CEP85L: variants seen among roughly 807,000 people sequenced by gnomAD.
The protein encoded by CEP85L is centrosomal protein of 85 kDa-like.
In CEP85L, 60 loss-of-function variants were observed where a neutral mutation model predicts 100.3. The observed-to-expected ratio is 0.60, with a 90% confidence interval of 0.49 to 0.74. The LOEUF is 0.74. Among genes scored for constraint, CEP85L ranks in the 30% least tolerant of loss-of-function variants. The pLI is 0.00. For synonymous variants in CEP85L, 319 were observed against 322.7 expected (o/e 0.99, Z 0.12); for missense variants, 973 against 936.2 (o/e 1.04, Z -0.51).
At chr6:118,592,822 A>C (rs1056820636) in intron 2 of CEP85L, among the ~76,000 whole-genome samples, 1 of 152,224 alleles carries the variant, frequency 6.6e-6, no homozygotes, top group African/African-American at 2.4e-5. Flanking sequence ...TTGCTTAAAA[A>C]TAGTACCAAG....
intron 5 of CEP85L, chr6:118,501,836 T>A: frequency 7.8e-7 from 1 of 1,289,022 alleles, no homozygotes; most frequent in Admixed American, 1.8e-5. Flanking sequence ...GAGAGAGGAC[T>A]CTGGAGATGC....
intron 6 of CEP85L, among the ~76,000 whole-genome samples, chr6:118,488,262 A>G (rs11153749): frequency 0.029 from 4,482 of 152,198 alleles, 111 homozygotes; most frequent in African/African-American, 0.056. Flanking sequence ...CTGAAAGAGA[A>G]TTCAACATAC....
chr6:118,590,017 G>T (rs547518152), intron 2 of CEP85L, among the ~76,000 whole-genome samples: 1 of 151,982 alleles, frequency 6.6e-6, no homozygotes, highest in African/African-American at 2.4e-5. Flanking sequence ...CCAGTTCTGG[G>T]TGTTTCAGAT....
chr6:118,586,228 C>CT (rs764642548), intron 2 of CEP85L, among the ~76,000 whole-genome samples: 1 of 152,176 alleles, frequency 6.6e-6, no homozygotes, highest in African/African-American at 2.4e-5. Context: ...CTCCCACGGC[C>CT]TTACTACGAA....
intron 1 of CEP85L, among the ~76,000 whole-genome samples, chr6:118,669,457 T>C (rs9489491): frequency 0.026 from 3,974 of 152,268 alleles, 175 homozygotes; most frequent in African/African-American, 0.087. Flanking sequence ...TGCCCTTCCT[T>C]ACATTTGATT....
At chr6:118,496,450 G>A (rs1183089748) in intron 5 of CEP85L, among the ~76,000 whole-genome samples, 1 of 151,266 alleles carries the variant, frequency 6.6e-6, no homozygotes, top group Non-Finnish European at 1.5e-5. Flanking sequence ...CACCCCCGGG[G>A]TTCAAGCAAT....
chr6:118,514,201 G>A lies in CEP85L; in HGVS notation c.1140-2786C>T, dbSNP rs765462889. ...TCAACTAATTCAAGAGAAGGCAAAG[G>A]GGAACAAAGATCAGATGGGACAATA... is the stretch of plus-strand genomic sequence containing the variant. On this transcript the variant is annotated intron_variant, in intron 4 of 12. Transcript: ENST00000368491. Among the ~76,000 whole-genome samples, 7 of 152,178 alleles carry A rather than the reference G, an allele frequency of 4.6e-5. No individual in the cohort carries two copies. In the East Asian group the frequency reaches 1.3e-3, roughly 29 times the overall value.
chr6:118,465,102 A>C lies in CEP85L; in HGVS notation c.*303T>G, dbSNP rs1414724426. 3.8e-6 allele frequency: 1 copy of C among 264,640 alleles called. No individual in the cohort carries two copies. Among genetic ancestry groups the C allele is most frequent in the Middle Eastern group, 1.2e-3 (1 of 834 alleles). 16.4% of individuals were successfully genotyped at this position (264,640 alleles called of 1,614,324 possible). On this transcript the variant is annotated 3_prime_UTR_variant, in exon 13 of 13. Coordinates refer to ENST00000368491, the MANE Select transcript of CEP85L (RefSeq NM_001042475.3). ...AAGCTATAGGATTAAAAGGAATCCT[A>C]CTCCTTCATGTGAAGGGTACTCTTC... is the stretch of plus-strand genomic sequence containing the variant.
intron 1 of CEP85L, among the ~76,000 whole-genome samples, chr6:118,693,057 CA>C (rs1429837659): frequency 2.0e-5 from 3 of 152,194 alleles, no homozygotes; most frequent in African/African-American, 7.2e-5. Context: ...AGAAGGAAAG[CA>C]GAGACCTCTA....
At chr6:118,625,367 C>T (rs1773720904) in intron 2 of CEP85L, among the ~76,000 whole-genome samples, 1 of 152,242 alleles carries the variant, frequency 6.6e-6, no homozygotes. Context: ...ATACCCCAGT[C>T]CCGCCACGCC....
chr6:118,523,972 T>G (rs548277682), intron 3 of CEP85L, 52 bp from the exon 4 acceptor site: 5 of 694,246 alleles, frequency 7.2e-6, no homozygotes, highest in Admixed American at 3.0e-5. Flanking sequence ...AAAGAAAATA[T>G]TTATATATTA....
At position 118,632,577 on chromosome 6, in the gene CEP85L, A is replaced by C. The variant is rs767271209; in HGVS notation, c.108T>G (p.Asn36Lys). 3 of 1,612,544 alleles carry C rather than the reference A, an allele frequency of 1.9e-6. No individual in the cohort carries two copies. In the Admixed American group the frequency reaches 5.0e-5, roughly 27 times the overall value. ...PDYSSAWLPANESLWQATTVP... is the reference protein window; with the variant it reads ...PDYSSAWLPAKESLWQATTVP... The stretch of plus-strand genomic sequence containing the variant: ...CAGTTGTGGCCTGCCACAATGATTC[A>C]TTAGCAGGTAGCCATGCTGATGAAT... Residue 36 changes from asparagine to lysine, a missense_variant, in exon 2 of 13, where the codon AAT becomes AAG. By Grantham distance (94) the Asn-to-Lys change is moderately conservative. Coordinates refer to ENST00000368491, the MANE Select transcript of CEP85L (RefSeq NM_001042475.3).
At chr6:118,554,209 G>C (rs1002462237) in intron 3 of CEP85L, among the ~76,000 whole-genome samples, 1 of 152,098 alleles carries the variant, frequency 6.6e-6, no homozygotes, top group Non-Finnish European at 1.5e-5. Flanking sequence ...GATCGCTAGA[G>C]CCTGGGAAGT....
intron 3 of CEP85L, among the ~76,000 whole-genome samples, chr6:118,558,660 C>CAGAGAGAGAG (rs369698272): frequency 8.2e-6 from 1 of 122,216 alleles, no homozygotes; most frequent in African/African-American, 3.2e-5. Flanking sequence ...CACACACACA[C>CAGAGAGAGAG]AGAGAGAGAG....
intron 2 of CEP85L, among the ~76,000 whole-genome samples, chr6:118,605,790 A>G (rs532452279): frequency 8.0e-4 from 122 of 152,322 alleles, no homozygotes; most frequent in Non-Finnish European, 1.2e-3. Context: ...AGGCGGGCAG[A>G]TCACGAGGTC....
chr6:118,672,106 A>G (rs1479629155), intron 1 of CEP85L, among the ~76,000 whole-genome samples: 2 of 152,104 alleles, frequency 1.3e-5, no homozygotes, highest in Non-Finnish European at 1.5e-5. Context: ...GTGCGATCTC[A>G]GCTCACTGCA....
chr6:118,475,954 G>A (rs1006009197), intron 10 of CEP85L, among the ~76,000 whole-genome samples: 13 of 152,008 alleles, frequency 8.6e-5, no homozygotes, highest in African/African-American at 2.2e-4. Context: ...TACATAATTC[G>A]AAATTCATCC....
chr6:118,523,807 G>A lies in CEP85L; in HGVS notation c.1134C>T (p.Ile378=), dbSNP rs374427300. Residue 378 remains isoleucine, a synonymous_variant, in exon 4 of 13, where the codon ATC becomes ATT. Transcript: ENST00000368491. ...ATAATTTAAAATAGACTCACCGATC[G>A]ATTACAATTTCTTTCTGCCTTAGAA... is the stretch of plus-strand genomic sequence containing the variant. The part of the protein sequence containing the change: ...EGLLRQKEIV[I]DRQKQQITHL... 53 of 1,454,890 alleles carry A rather than the reference G, an allele frequency of 3.6e-5. No homozygotes were observed. Among genetic ancestry groups the A allele is most frequent in the South Asian group, 5.8e-5 (5 of 86,060 alleles). The allele number at this position is 1,454,890 out of a possible 1,614,324, so 90.1% of individuals were successfully genotyped here.
At chr6:118,645,261 G>A (rs1775106380) in intron 1 of CEP85L, among the ~76,000 whole-genome samples, 1 of 152,160 alleles carries the variant, frequency 6.6e-6, no homozygotes, top group Non-Finnish European at 1.5e-5. Context: ...TCCCTGACCA[G>A]CTACTCAAGG....
Sources: gnomAD v4.1 joint callset for allele counts (sites outside exome capture counted in the v4.1 genomes callset) on GRCh38, gnomAD v4.1.1 for gene constraint, MANE v1.5 for transcripts, NCBI Gene and HGNC (gene_info 2026-07-23, HGNC 2026-07-21) for gene names.